SLX4IP: variants seen among roughly 807,000 people sequenced by gnomAD.
SLX4IP encodes protein SLX4IP.
Under a neutral mutation model 32.9 loss-of-function variants are expected in SLX4IP, and 34 were observed. The ratio of observed to expected loss-of-function variants is 1.03; its 90% CI spans 0.79 to 1.38. SLX4IP has a LOEUF of 1.38. SLX4IP is among the 40% of genes most tolerant of loss of function. SLX4IP has a pLI of 0.00. For missense variants in SLX4IP, 444 were observed against 479.0 expected (o/e 0.93, Z 0.68); for synonymous variants, 172 against 171.7 (o/e 1.00, Z -0.01).
Position 10,512,778 on chromosome 20 carries a change from C to CTATATATATATATATA in SLX4IP, c.28-43424_28-43409dup, listed in dbSNP as rs57942782. Among the ~76,000 whole-genome samples the CTATATATATATATATA allele has an allele frequency of 3.8e-3, 97 of 25,380 alleles. 4 individuals are homozygous for CTATATATATATATATA. Among genetic ancestry groups the CTATATATATATATATA allele is most frequent in the African/African-American group, 7.5e-3 (47 of 6,234 alleles). The allele number at this position is 25,380 out of a possible 152,430, so 16.7% of individuals were successfully genotyped here. On this transcript the variant is annotated intron_variant, in intron 2 of 7. Transcript: ENST00000334534. ...ATGTATATATATACACACACACACT[C>CTATATATATATATATA]TATATATATATATATATATATATAT...
chr20:10,508,215 G>C (rs1404591365), intron 2 of SLX4IP, among the ~76,000 whole-genome samples: 1 of 152,194 alleles, frequency 6.6e-6, no homozygotes, highest in Admixed American at 6.5e-5. Context: ...CCCTGCCCTT[G>C]GAGCATCAGC....
At chr20:10,509,782 C>T (rs892079125) in intron 2 of SLX4IP, among the ~76,000 whole-genome samples, 2 of 152,022 alleles carry the variant, frequency 1.3e-5, no homozygotes, top group African/African-American at 2.4e-5. Flanking sequence ...CTACAAAGCC[C>T]TGGCTCAAGC....
intron 2 of SLX4IP, among the ~76,000 whole-genome samples, chr20:10,526,075 G>A (rs1013414936): frequency 6.6e-6 from 1 of 152,068 alleles, no homozygotes; most frequent in Middle Eastern, 3.4e-3. Flanking sequence ...CTGCATTTCC[G>A]GTCTCACCTT....
intron 4 of SLX4IP, among the ~76,000 whole-genome samples, chr20:10,571,913 C>G (rs947259242): frequency 1.3e-5 from 2 of 152,178 alleles, no homozygotes; most frequent in African/African-American, 4.8e-5. Flanking sequence ...AAAACCACAA[C>G]TTACCCCAGT....
intron 4 of SLX4IP, among the ~76,000 whole-genome samples, chr20:10,566,995 C>T (rs2066402592): frequency 6.6e-6 from 1 of 152,190 alleles, no homozygotes; most frequent in Non-Finnish European, 1.5e-5. Context: ...GCCTATCTCC[C>T]TATGAAATGA....
intron 2 of SLX4IP, among the ~76,000 whole-genome samples, chr20:10,544,937 T>C (rs2066147583): frequency 6.6e-6 from 1 of 152,156 alleles, no homozygotes; most frequent in Non-Finnish European, 1.5e-5. Flanking sequence ...CAAGGGGGCC[T>C]GTAGCAGGGG....
At chr20:10,607,587 G>A (rs2066919584) in intron 6 of SLX4IP, among the ~76,000 whole-genome samples, 1 of 152,122 alleles carries the variant, frequency 6.6e-6, no homozygotes, top group African/African-American at 2.4e-5. Context: ...AGATAGTTAA[G>A]GAATAGATTA....
intron 1 of SLX4IP, among the ~76,000 whole-genome samples, chr20:10,445,461 G>A (rs1434378820): frequency 2.0e-5 from 3 of 150,488 alleles, no homozygotes; most frequent in Non-Finnish European, 4.4e-5. Context: ...GATTACAGGT[G>A]TGCACCAAGA....
intron 2 of SLX4IP, among the ~76,000 whole-genome samples, chr20:10,476,710 T>C (rs1397030157): frequency 1.3e-5 from 2 of 152,170 alleles, no homozygotes; most frequent in Non-Finnish European, 2.9e-5. Flanking sequence ...AGAAGGGTGC[T>C]TTCTGTAAAA....
intron 4 of SLX4IP, among the ~76,000 whole-genome samples, chr20:10,581,109 CT>C (rs1334297208): frequency 6.6e-6 from 1 of 151,932 alleles, no homozygotes; most frequent in Non-Finnish European, 1.5e-5. Flanking sequence ...GAGACTTGCT[CT>C]AATGCATGGG....
At chr20:10,465,196 A>C (rs2065370174) in intron 2 of SLX4IP, among the ~76,000 whole-genome samples, 1 of 152,178 alleles carries the variant, frequency 6.6e-6, no homozygotes, top group Non-Finnish European at 1.5e-5. Context: ...TCTTAAACCC[A>C]AGCTTTGCAC....
intron 2 of SLX4IP, among the ~76,000 whole-genome samples, chr20:10,475,283 T>C (rs573262478): frequency 6.6e-6 from 1 of 152,318 alleles, no homozygotes; most frequent in Non-Finnish European, 1.5e-5. Context: ...TGAGAATCCC[T>C]GGGGAGTGGA....
chr20:10,600,980 G>T (rs1399151833), intron 5 of SLX4IP, among the ~76,000 whole-genome samples: 1 of 152,146 alleles, frequency 6.6e-6, no homozygotes, highest in Non-Finnish European at 1.5e-5. Context: ...TGGATGGATG[G>T]ACAGACAGAT....
chr20:10,485,366 G>A (rs1240014045), intron 2 of SLX4IP, among the ~76,000 whole-genome samples: 1 of 152,048 alleles, frequency 6.6e-6, no homozygotes, highest in Non-Finnish European at 1.5e-5. Flanking sequence ...ACTTTGGGAG[G>A]CTGAGGCTGG....
chr20:10,504,056 C>T (rs188790631), intron 2 of SLX4IP, among the ~76,000 whole-genome samples: 333 of 152,286 alleles, frequency 2.2e-3, no homozygotes, highest in African/African-American at 7.6e-3. Context: ...CACAATTAAA[C>T]CCACAATGCT....
chr20:10,445,311 CTTT>C (rs36058168), intron 1 of SLX4IP, among the ~76,000 whole-genome samples: 19 of 90,182 alleles, frequency 2.1e-4, no homozygotes, highest in African/African-American at 4.3e-4. Flanking sequence ...TTTTTTCTTT[CTTT>C]TTTTTTTTTT....
At chr20:10,561,397 T>C (rs1301707685) in intron 4 of SLX4IP, among the ~76,000 whole-genome samples, 1 of 152,098 alleles carries the variant, frequency 6.6e-6, no homozygotes, top group Non-Finnish European at 1.5e-5. Flanking sequence ...CTTCCTAGTC[T>C]TCTAATACTC....
chr20:10,529,892 A>C (rs1283337679), intron 2 of SLX4IP, among the ~76,000 whole-genome samples: 1 of 152,190 alleles, frequency 6.6e-6, no homozygotes, highest in South Asian at 2.1e-4. Flanking sequence ...TTTCTCTGCT[A>C]ATGAAGAAGT....
chr20:10,442,320 G>A (rs2065165611), intron 1 of SLX4IP, among the ~76,000 whole-genome samples: 1 of 152,140 alleles, frequency 6.6e-6, no homozygotes, highest in Non-Finnish European at 1.5e-5. Flanking sequence ...ATGTGATATT[G>A]TTTAATCTAC....
Sources: allele counts gnomAD v4.1 joint callset (sites outside exome capture counted in the v4.1 genomes callset), GRCh38; gene constraint gnomAD v4.1.1; transcripts MANE v1.5; gene names NCBI Gene and HGNC (gene_info 2026-07-23, HGNC 2026-07-21).